ESCO1: variants seen among roughly 807,000 people sequenced by gnomAD.
ESCO1 encodes establishment of sister chromatid cohesion N-acetyltransferase 1.
In ESCO1, 33 loss-of-function variants were observed where a neutral mutation model predicts 83.5. The ratio of observed to expected loss-of-function variants is 0.40; its 90% CI spans 0.30 to 0.53. The LOEUF is 0.53. Ranked by LOEUF, ESCO1 falls within the 20% of genes least tolerant of loss-of-function variation. ESCO1 has a pLI of 0.63. For missense variants in ESCO1, 855 were observed against 968.0 expected, an observed-to-expected ratio of 0.88 and a Z score of 1.55; for synonymous variants, 332 against 324.3, an observed-to-expected ratio of 1.02 and a Z score of -0.25.
Position 21,564,292 on chromosome 18 carries a change from G to C in ESCO1, c.1732C>G (p.Pro578Ala), listed in dbSNP as rs1305217600. Residue 578 changes from proline to alanine, a missense_variant, in exon 7 of 12, where the codon CCT becomes GCT. By Grantham distance (27) the Pro-to-Ala change is conservative. Coordinates refer to ENST00000269214, the MANE Select transcript of ESCO1 (RefSeq NM_052911.3). Reference sequence around the variant, plus strand: ...ATCTCCAAATGGGAATTACACTTAGGCAAAGAATGATTTCGTGGTGTCTCC... The same window carrying C: ...ATCTCCAAATGGGAATTACACTTAGCCAAAGAATGATTTCGTGGTGTCTCC... ...NRETPRNHSL[P>A]KCNSHLEITI... 17 of 1,610,124 alleles carry C rather than the reference G, an allele frequency of 1.1e-5. No individual in the cohort carries two copies. The highest frequency in any genetic ancestry group is 1.3e-5 in the African/African-American group (1 of 74,754).
chr18:21,574,253 T>A lies in ESCO1; in HGVS notation c.591A>T (p.Val197=). The part of the protein sequence containing the change: ...KEDENLVINE[V]INSPKGKKRK... ...GTTTTTTCCCTTTGGGAGAATTTAT[T>A]ACTTCATTAATTACTAGATTTTCAT... Residue 197 remains valine, a synonymous_variant, in exon 4 of 12, where the codon GTA becomes GTT. Coordinates refer to ENST00000269214, the MANE Select transcript of ESCO1 (RefSeq NM_052911.3). 6.2e-7 allele frequency: 1 copy of A among 1,613,884 alleles called. No individual in the cohort carries two copies. The highest frequency in any genetic ancestry group is 8.5e-7 in the Non-Finnish European group (1 of 1,180,002).
At chr18:21,600,402 G>A (rs962982775) in intron 1 of ESCO1, among the ~76,000 whole-genome samples, 1 of 152,382 alleles carries the variant, frequency 6.6e-6, no homozygotes, top group East Asian at 1.9e-4. Context: ...ACGCGAGCAC[G>A]TTAGCTGCCT....
chr18:21,577,361 T>TAAAA (rs1555671990), intron 2 of ESCO1, among the ~76,000 whole-genome samples: 1 of 52,964 alleles, frequency 1.9e-5, no homozygotes, highest in African/African-American at 7.6e-5. Flanking sequence ...CCATCTTTTT[T>TAAAA]AAAAAAAAAA....
At position 21,550,702 on chromosome 18, in the gene ESCO1, A is replaced by C. The variant is rs567089158; in HGVS notation, c.1953+10157T>G. 2.0e-5 allele frequency among the ~76,000 whole-genome samples: 3 copies of C among 152,342 alleles called. No homozygotes were observed. The South Asian group carries it at 6.2e-4, about 32-fold the overall frequency. ...AAAATTAAACAAAGCCAACAAGTCT[A>C]TTACTGAAAAATGTTATCACAATGT... On this transcript the variant is annotated intron_variant, in intron 8 of 11. Coordinates refer to ENST00000269214, the MANE Select transcript of ESCO1 (RefSeq NM_052911.3).
chr18:21,551,931 T>C (rs1894646052), intron 8 of ESCO1, among the ~76,000 whole-genome samples: 1 of 152,162 alleles, frequency 6.6e-6, no homozygotes, highest in Non-Finnish European at 1.5e-5. Context: ...CACTCATGGG[T>C]AAGGGAAAGG....
chr18:21,585,754 G>A (rs2038566637), intron 1 of ESCO1, among the ~76,000 whole-genome samples: 1 of 151,934 alleles, frequency 6.6e-6, no homozygotes, highest in Admixed American at 6.6e-5. Context: ...CACCTTACCT[G>A]GCTAATTTTT....
intron 8 of ESCO1, among the ~76,000 whole-genome samples, chr18:21,549,793 CCTGT>C (rs1329200755): frequency 9.2e-5 from 14 of 151,922 alleles, no homozygotes; most frequent in African/African-American, 3.4e-4. Flanking sequence ...GTGCTGAAAC[CCTGT>C]CTCTACTAAA....
chr18:21,551,130 G>C (rs949004172), intron 8 of ESCO1, among the ~76,000 whole-genome samples: 14 of 132,398 alleles, frequency 1.1e-4, no homozygotes, highest in African/African-American at 3.6e-4. Flanking sequence ...AAAAAAAAAA[G>C]AAAACAAAAA....
At chr18:21,540,389 A>G (rs1485989972) in intron 8 of ESCO1, among the ~76,000 whole-genome samples, 1 of 152,178 alleles carries the variant, frequency 6.6e-6, no homozygotes, top group Admixed American at 6.5e-5. Flanking sequence ...AAACTCTTAT[A>G]TTTCATTGGA....
chr18:21,573,426 T>C lies in ESCO1; in HGVS notation c.1418A>G (p.Asn473Ser), dbSNP rs747499955. 4 of 1,612,136 alleles carry C rather than the reference T, an allele frequency of 2.5e-6. No homozygotes were observed. Among genetic ancestry groups the C allele is most frequent in the Non-Finnish European group, 3.4e-6 (4 of 1,179,520 alleles). ...VKINDITVEI[N>S]KTTERAPENC... is the part of the protein sequence containing the mutation. ...TTCAGGAGCCCTTTCTGTGGTTTTA[T>C]TAATTTCTACTGTAATATCATTAAT... is the stretch of plus-strand genomic sequence containing the variant. The change falls in exon 4 of 12, where the codon AAT becomes AGT. Residue 473 changes from asparagine (N) to serine (S), a missense_variant. By Grantham distance (46) the Asn-to-Ser change is conservative. Around this residue, in one of 2 missense-constraint regions of ESCO1, gnomAD observed 726 missense variants for 699.5 expected, o/e 1.04. Transcript: ENST00000269214.
At chr18:21,568,345 C>G (rs890932409) in intron 4 of ESCO1, among the ~76,000 whole-genome samples, 2 of 152,098 alleles carry the variant, frequency 1.3e-5, no homozygotes, top group Non-Finnish European at 2.9e-5. Flanking sequence ...TACTCAGAAG[C>G]CTCACTAAAA....
intron 7 of ESCO1, among the ~76,000 whole-genome samples, chr18:21,561,725 G>A (rs997376504): frequency 6.7e-6 from 1 of 150,352 alleles, no homozygotes; most frequent in Non-Finnish European, 1.5e-5. Context: ...ACCACGCCTC[G>A]CCACCTGGCT....
At chr18:21,582,260 G>A (rs1660901504) in intron 2 of ESCO1, among the ~76,000 whole-genome samples, 2 of 148,454 alleles carry the variant, frequency 1.3e-5, no homozygotes, top group South Asian at 4.2e-4. Flanking sequence ...ATGGAGTTTC[G>A]CTCCTGTTGT....
At chr18:21,598,927 C>T (rs1340677768) in intron 1 of ESCO1, among the ~76,000 whole-genome samples, 1 of 152,094 alleles carries the variant, frequency 6.6e-6, no homozygotes, top group Non-Finnish European at 1.5e-5. Flanking sequence ...GTCCTAGTTT[C>T]CTCATTTCCT....
At chr18:21,577,719 CAGA>C (rs1242835330) in intron 2 of ESCO1, among the ~76,000 whole-genome samples, 4 of 151,070 alleles carry the variant, frequency 2.6e-5, no homozygotes, top group Non-Finnish European at 4.4e-5. Flanking sequence ...TACTAGCACT[CAGA>C]AGACTAGAGG....
chr18:21,557,979 T>G (rs2038133513), intron 8 of ESCO1, among the ~76,000 whole-genome samples: 2 of 151,282 alleles, frequency 1.3e-5, no homozygotes, highest in South Asian at 2.1e-4. Context: ...TTTTGTTTTT[T>G]GGGGTTTTTT....
intron 8 of ESCO1, among the ~76,000 whole-genome samples, chr18:21,549,000 G>A (rs1416185298): frequency 6.6e-6 from 1 of 151,794 alleles, no homozygotes; most frequent in Non-Finnish European, 1.5e-5. Context: ...CAGCTACAGA[G>A]TTTTCTGAAG....
At chr18:21,592,527 T>C (rs1368688088) in intron 1 of ESCO1, among the ~76,000 whole-genome samples, 4 of 135,910 alleles carry the variant, frequency 2.9e-5, no homozygotes, top group African/African-American at 5.6e-5. Flanking sequence ...CCTCACCTCC[T>C]GGACAGGGCG....
chr18:21,595,553 C>T (rs1371349835), intron 1 of ESCO1, among the ~76,000 whole-genome samples: 2 of 150,810 alleles, frequency 1.3e-5, no homozygotes, highest in African/African-American at 4.9e-5. Context: ...CCTGTAGTTC[C>T]AGCTACTCGG....
Sources: allele counts gnomAD v4.1 joint callset (sites outside exome capture counted in the v4.1 genomes callset), GRCh38; gene constraint gnomAD v4.1.1; regional missense constraint gnomAD v4.1.1; transcripts MANE v1.5; gene names NCBI Gene and HGNC (gene_info 2026-07-23, HGNC 2026-07-21).